TAFA2: variants seen among roughly 807,000 people sequenced by gnomAD.
TAFA2 encodes chemokine-like protein TAFA-2.
A neutral mutation model predicts 18.8 loss-of-function variants in TAFA2; 7 were observed. That is an observed-to-expected ratio of 0.37 (90% CI 0.21 to 0.70). TAFA2 has a LOEUF of 0.70. TAFA2 is among the 30% of genes least tolerant of loss of function. The probability of loss-of-function intolerance (pLI) is 0.53; values close to 1 mark genes in which losing one functional copy is unlikely to be tolerated. For missense variants in TAFA2, 122 were observed against 158.1 expected, an observed-to-expected ratio of 0.77 and a Z score of 1.23; for synonymous variants, 60 against 54.2, an observed-to-expected ratio of 1.11 and a Z score of -0.47.
intron 1 of TAFA2, among the ~76,000 whole-genome samples, chr12:61,950,285 AC>A (rs1246754233): frequency 1.3e-5 from 2 of 152,154 alleles, no homozygotes; most frequent in African/African-American, 4.8e-5. Context: ...ATACCCAAAA[AC>A]AAAATTGCTG....
At chr12:62,074,075 T>G (rs1882700248) in intron 1 of TAFA2, among the ~76,000 whole-genome samples, 1 of 152,258 alleles carries the variant, frequency 6.6e-6, no homozygotes, top group Admixed American at 6.5e-5. Context: ...GAACTATTTC[T>G]CATTGAATGT....
intron 1 of TAFA2, among the ~76,000 whole-genome samples, chr12:62,184,499 A>ATTTTTTTT (rs770289214): frequency 2.4e-4 from 8 of 34,038 alleles, no homozygotes; most frequent in Non-Finnish European, 4.1e-4. Context: ...GAAAAAAAAA[A>ATTTTTTTT]TTCTTTTTTT....
chr12:61,940,430 A>G (rs1239112633), intron 1 of TAFA2, among the ~76,000 whole-genome samples: 1 of 152,240 alleles, frequency 6.6e-6, no homozygotes, highest in African/African-American at 2.4e-5. Flanking sequence ...ATGACATTAC[A>G]CATTTCGGCA....
At chr12:61,723,389 A>G (rs1332474117) in intron 4 of TAFA2, among the ~76,000 whole-genome samples, 1 of 152,158 alleles carries the variant, frequency 6.6e-6, no homozygotes, top group East Asian at 1.9e-4. Context: ...GAATAAATAA[A>G]TGAACACGTG....
intron 1 of TAFA2, among the ~76,000 whole-genome samples, chr12:62,242,035 G>C (rs1434697198): frequency 6.6e-6 from 1 of 151,968 alleles, no homozygotes; most frequent in Non-Finnish European, 1.5e-5. Flanking sequence ...TCAGAGAGAA[G>C]AAAAAAGGAA....
chr12:62,094,451 A>G (rs939257424), intron 1 of TAFA2, among the ~76,000 whole-genome samples: 1 of 152,064 alleles, frequency 6.6e-6, no homozygotes, highest in Non-Finnish European at 1.5e-5. Flanking sequence ...TACGCATGTA[A>G]CCAAAAACCA....
At position 61,845,018 on chromosome 12, in the gene TAFA2, T is replaced by C. The variant is rs1212262813; in HGVS notation, c.106+22302A>G. Reference sequence around the variant, plus strand: ...TGCCTAGGTCACAAGAGATTTAACATGATGAAATGGTCTGCTTGAACTGGT... The same window carrying C: ...TGCCTAGGTCACAAGAGATTTAACACGATGAAATGGTCTGCTTGAACTGGT... On this transcript the variant is annotated intron_variant, in intron 2 of 4. Coordinates refer to ENST00000416284, the MANE Select transcript of TAFA2 (RefSeq NM_178539.5). Among the ~76,000 whole-genome samples the C allele has an allele frequency of 2.6e-5, 4 of 152,258 alleles. 1 individual carries two copies. The highest frequency in any genetic ancestry group is 2.6e-4 in the Admixed American group (4 of 15,280).
chr12:62,205,558 C>A (rs1362362773), intron 1 of TAFA2, among the ~76,000 whole-genome samples: 1 of 152,170 alleles, frequency 6.6e-6, no homozygotes, highest in Non-Finnish European at 1.5e-5. Flanking sequence ...GAGGCCCCAC[C>A]CAGTGAGGAG....
intron 1 of TAFA2, among the ~76,000 whole-genome samples, chr12:62,071,114 A>T (rs348638): frequency 0.42 from 63,410 of 152,022 alleles, 13,647 homozygotes; most frequent in African/African-American, 0.5. Context: ...GATGAAGAGA[A>T]TCTGTGGAGT....
chr12:62,000,837 A>G (rs1390216150), intron 1 of TAFA2, among the ~76,000 whole-genome samples: 4 of 152,250 alleles, frequency 2.6e-5, no homozygotes, highest in African/African-American at 7.2e-5. Flanking sequence ...ATACTCTAAG[A>G]TTCCATTTAT....
intron 2 of TAFA2, among the ~76,000 whole-genome samples, chr12:61,831,795 C>T (rs1174461130): frequency 1.3e-5 from 2 of 151,994 alleles, no homozygotes; most frequent in African/African-American, 2.4e-5. Context: ...TGGTGTGCTG[C>T]ACCCATTAAC....
intron 1 of TAFA2, among the ~76,000 whole-genome samples, chr12:62,106,222 T>A (rs1869444726): frequency 6.6e-6 from 1 of 151,522 alleles, no homozygotes; most frequent in African/African-American, 2.4e-5. Flanking sequence ...TAATCCCAGC[T>A]ACTCAAGAGG....
intron 2 of TAFA2, among the ~76,000 whole-genome samples, chr12:61,854,169 G>A (rs1048312490): frequency 1.3e-5 from 2 of 152,018 alleles, no homozygotes; most frequent in African/African-American, 2.4e-5. Flanking sequence ...TAGAAGGAGA[G>A]ACTATGCAAT....
intron 1 of TAFA2, among the ~76,000 whole-genome samples, chr12:62,093,105 C>T (rs896002843): frequency 6.6e-6 from 1 of 152,000 alleles, no homozygotes; most frequent in African/African-American, 2.4e-5. Context: ...TTATTTTAGA[C>T]TATTACAGAG....
chr12:62,248,365 C>T (rs2062897097), intron 1 of TAFA2, among the ~76,000 whole-genome samples: 2 of 152,212 alleles, frequency 1.3e-5, no homozygotes, highest in South Asian at 4.1e-4. Flanking sequence ...ACCCAAGGAG[C>T]TCGTCTATAC....
At chr12:62,094,291 AAAGGCCT>A (rs1868848398) in intron 1 of TAFA2, among the ~76,000 whole-genome samples, 1 of 152,008 alleles carries the variant, frequency 6.6e-6, no homozygotes, top group South Asian at 2.1e-4. Context: ...ATGAGGATGA[AAAGGCCT>A]AAGAATGATA....
chr12:62,027,658 C>G (rs1881344351), intron 1 of TAFA2, among the ~76,000 whole-genome samples: 1 of 152,152 alleles, frequency 6.6e-6, no homozygotes. Flanking sequence ...CTTTGTGGCA[C>G]TTTGCCATAT....
chr12:61,925,381 A>G (rs1050090505), intron 1 of TAFA2, among the ~76,000 whole-genome samples: 21 of 152,218 alleles, frequency 1.4e-4, no homozygotes, highest in Admixed American at 7.2e-4. Context: ...ATCATAACAA[A>G]CAGTCTCCCA....
At chr12:62,212,722 T>G (rs1042202969) in intron 1 of TAFA2, among the ~76,000 whole-genome samples, 1 of 152,214 alleles carries the variant, frequency 6.6e-6, no homozygotes, top group Non-Finnish European at 1.5e-5. Flanking sequence ...ATTTGAAAAA[T>G]CCTCTTTTTT....
Sources: gnomAD v4.1 joint callset for allele counts (sites outside exome capture counted in the v4.1 genomes callset) on GRCh38, gnomAD v4.1.1 for gene constraint, MANE v1.5 for transcripts, NCBI Gene and HGNC (gene_info 2026-07-23, HGNC 2026-07-21) for gene names.